The following HEPACAM variants were observed in gnomAD, a reference collection of about 807,000 sequenced individuals.
HEPACAM encodes the protein hepatic and glial cell adhesion molecule.
HEPACAM carries 18 observed loss-of-function variants against 38.3 expected under a neutral mutation model. That is an observed-to-expected ratio of 0.47 (90% CI 0.33 to 0.70). The LOEUF is 0.70. Ranked by LOEUF, HEPACAM falls within the 30% of genes least tolerant of loss-of-function variation. HEPACAM has a pLI of 0.03. For synonymous variants in HEPACAM, 216 were observed against 243.1 expected (o/e 0.89, Z 1.04); for missense variants, 466 against 563.0 (o/e 0.83, Z 1.74).
chr11:124,928,623 A>C (rs1947246503), intron 1 of HEPACAM, among the ~76,000 whole-genome samples: 2 of 152,172 alleles, frequency 1.3e-5, no homozygotes, highest in South Asian at 2.1e-4. Context: ...CATTCTATGC[A>C]AAGTCACCCC....
rs755871258 is a variant in HEPACAM, at chr11:124,935,960, C to T, written c.47G>A (p.Arg16His). 16 of 1,614,062 alleles carry T rather than the reference C, an allele frequency of 9.9e-6. No individual in the cohort carries two copies. The East Asian group carries it at 1.6e-4, about 16-fold the overall frequency. The change falls in exon 1 of 7, where the codon CGC becomes CAC. Residue 16 changes from arginine (R) to histidine (H), a missense_variant. Physicochemically the swap from Arg to His is conservative, Grantham distance 29. Transcript: ENST00000298251. ...AAGAAGGTAGACAAAAGGAGCAAGG[C>T]GCAGGGCCCTGGAGGCTCTGGACAG... ...GALSRASRAL[R>H]LAPFVYLLLI...
intron 5 of HEPACAM, 65 bp from the exon 6 acceptor site, chr11:124,922,523 C>G: frequency 2.5e-6 from 4 of 1,596,794 alleles, no homozygotes; most frequent in Non-Finnish European, 3.4e-6. Context: ...CCGGCACCTA[C>G]TCTCTGTGCT....
Position 124,924,561 on chromosome 11 carries a change from G to T in HEPACAM, c.427+167C>A. 1.3e-6 allele frequency: 1 copy of T among 744,042 alleles called. No individual in the cohort carries two copies. The highest frequency in any genetic ancestry group is 2.5e-6 in the Non-Finnish European group (1 of 407,930). 46.1% of individuals were successfully genotyped at this position (744,042 alleles called of 1,614,324 possible). A position where few individuals can be genotyped will look rare whatever the true frequency, so the allele number is the denominator to read the frequency against. ...CTGGCACATGGCAATCACTCTACAT[G>T]TTAGCTGTGCTGTGCCTGTCTGCCA... On this transcript the variant is annotated intron_variant, in intron 2 of 6. Coordinates refer to ENST00000298251, the MANE Select transcript of HEPACAM (RefSeq NM_152722.5). The surrounding 1 kb of genome is among the most constrained non-coding windows in gnomAD (Gnocchi z 4.4).
chr11:124,932,352 T>C (rs1416462102), intron 1 of HEPACAM, among the ~76,000 whole-genome samples: 2 of 152,174 alleles, frequency 1.3e-5, no homozygotes, highest in African/African-American at 4.8e-5. Context: ...TTCCAGAGAA[T>C]ACAACCTTGA....
At chr11:124,925,289 A>G (rs566053369) in intron 1 of HEPACAM, among the ~76,000 whole-genome samples, 11 of 152,128 alleles carry the variant, frequency 7.2e-5, no homozygotes, top group African/African-American at 1.4e-4. Context: ...ATGGCCTTCA[A>G]TGCTTTTTCC....
chr11:124,932,737 T>C (rs1266396593), intron 1 of HEPACAM, among the ~76,000 whole-genome samples: 1 of 152,208 alleles, frequency 6.6e-6, no homozygotes, highest in East Asian at 1.9e-4. Flanking sequence ...CTAGTGCAAG[T>C]GATACGTATC....
Position 124,923,817 on chromosome 11 carries a change from C to A in HEPACAM, c.621G>T (p.Val207=). Residue 207 remains valine, a synonymous_variant, in exon 3 of 7, where the codon GTG becomes GTT. Coordinates refer to ENST00000298251, the MANE Select transcript of HEPACAM (RefSeq NM_152722.5). ...TGTACAGGTCGTCATCCTCCATGAGCACGCGGGTGATGGTGAGCACCTTTT... is the reference window on the plus strand; with the variant it reads ...TGTACAGGTCGTCATCCTCCATGAGAACGCGGGTGATGGTGAGCACCTTTT... The part of the protein sequence containing the change: ...PDQKVLTITR[V]LMEDDDLYSC... 6.2e-7 allele frequency: 1 copy of A among 1,614,224 alleles called. No individual in the cohort carries two copies. The highest frequency in any genetic ancestry group is 8.5e-7 in the Non-Finnish European group (1 of 1,180,048).
rs1290496297 is a variant in HEPACAM, at chr11:124,925,082, G to A, written c.86-13C>T. 2 of 1,565,408 alleles carry A rather than the reference G, an allele frequency of 1.3e-6. No homozygotes were observed. The highest frequency in any genetic ancestry group is 1.4e-5 in the African/African-American group (1 of 73,712). On this transcript the variant is annotated splice_polypyrimidine_tract_variant and intron_variant, in intron 1 of 6. Coordinates refer to ENST00000298251, the MANE Select transcript of HEPACAM (RefSeq NM_152722.5). Reference sequence around the variant, plus strand: ...CCCTCCAGGGGGTCTGTGAACAGAGGCCCATGAGGAAGAGGGAAGCATCAG... The same window carrying A: ...CCCTCCAGGGGGTCTGTGAACAGAGACCCATGAGGAAGAGGGAAGCATCAG...
chr11:124,925,197 G>A lies in HEPACAM; in HGVS notation c.86-128C>T, dbSNP rs1476211533. The A allele has an allele frequency of 1.2e-5, 8 of 693,926 alleles. No homozygotes were observed. In the South Asian group the frequency reaches 1.2e-4, roughly 11 times the overall value. The allele number at this position is 693,926 out of a possible 1,614,324, so 43.0% of individuals were successfully genotyped here. A position where few individuals can be genotyped will look rare whatever the true frequency, so the allele number is the denominator to read the frequency against. ...GGCTCTTCACTCCCTGCCAATCCTG[G>A]CTTCTTAAGCCTGGGTGCTATCTCC... On this transcript the variant is annotated intron_variant, in intron 1 of 6. Coordinates refer to ENST00000298251, the MANE Select transcript of HEPACAM (RefSeq NM_152722.5).
intron 4 of HEPACAM, among the ~76,000 whole-genome samples, chr11:124,923,135 A>C (rs1279657133): frequency 6.6e-6 from 1 of 152,226 alleles, no homozygotes; most frequent in East Asian, 1.9e-4. Flanking sequence ...GTGGTTGGCC[A>C]GTGAAAAAAC....
chr11:124,934,908 G>A (rs1368760400), intron 1 of HEPACAM, among the ~76,000 whole-genome samples: 1 of 152,062 alleles, frequency 6.6e-6, no homozygotes, highest in Non-Finnish European at 1.5e-5. Flanking sequence ...TACGAGTCTG[G>A]TTTACAAAGC....
chr11:124,919,647 C>T lies in HEPACAM; in HGVS notation c.*1491G>A. 7.5e-7 allele frequency: 1 copy of T among 1,333,570 alleles called. No homozygotes were observed. The highest frequency in any genetic ancestry group is 1.0e-6 in the Non-Finnish European group (1 of 969,748). 82.6% of individuals were successfully genotyped at this position (1,333,570 alleles called of 1,614,324 possible). ...ATGAGCCTGGGGAAGTGCCGAGGGACAGGGAGCTGAGACAGGCATGCTGTG... is the reference window on the plus strand; with the variant it reads ...ATGAGCCTGGGGAAGTGCCGAGGGATAGGGAGCTGAGACAGGCATGCTGTG... On this transcript the variant is annotated 3_prime_UTR_variant, in exon 7 of 7. Transcript: ENST00000298251.
At chr11:124,931,432 C>T (rs950152916) in intron 1 of HEPACAM, among the ~76,000 whole-genome samples, 2 of 152,202 alleles carry the variant, frequency 1.3e-5, no homozygotes, top group South Asian at 2.1e-4. Flanking sequence ...GTCTTGAACT[C>T]CTGGCCTCAA....
rs1247807177 is a variant in HEPACAM at position 124,921,489 on chromosome 11, G to A, written c.949-49C>T. The A allele has an allele frequency of 1.7e-6, 2 of 1,165,642 alleles. No homozygotes were observed. The highest frequency in any genetic ancestry group is 2.2e-6 in the Non-Finnish European group (2 of 922,654). 72.2% of individuals were successfully genotyped at this position (1,165,642 alleles called of 1,614,324 possible). A position where few individuals can be genotyped will look rare whatever the true frequency, so the allele number is the denominator to read the frequency against. On this transcript the variant is annotated intron_variant, in intron 6 of 6. Coordinates refer to ENST00000298251, the MANE Select transcript of HEPACAM (RefSeq NM_152722.5). The surrounding 1 kb of genome is among the most constrained non-coding windows in gnomAD (Gnocchi z 4.6). ...GTCAGGGGACAGTCAGCCCAGCCTG[G>A]GAGCGCGCCTGGTGTTAGAGCTTGC...
intron 1 of HEPACAM, among the ~76,000 whole-genome samples, chr11:124,929,434 G>C (rs929317272): frequency 6.6e-6 from 1 of 152,160 alleles, no homozygotes; most frequent in Non-Finnish European, 1.5e-5. Context: ...AGCCAAAATC[G>C]TACTCTGTAT....
intron 1 of HEPACAM, among the ~76,000 whole-genome samples, chr11:124,929,122 C>T (rs1318161109): frequency 1.3e-5 from 2 of 152,184 alleles, no homozygotes; most frequent in East Asian, 3.8e-4. Context: ...GCTTCCCTGG[C>T]TTCCATGCTC....
chr11:124,929,299 A>G (rs1402476791), intron 1 of HEPACAM, among the ~76,000 whole-genome samples: 1 of 152,252 alleles, frequency 6.6e-6, no homozygotes, highest in South Asian at 2.1e-4. Flanking sequence ...CATCATGCCT[A>G]TGAACATGGG....
chr11:124,933,299 G>A (rs1294656658), intron 1 of HEPACAM, among the ~76,000 whole-genome samples: 2 of 151,974 alleles, frequency 1.3e-5, no homozygotes, highest in African/African-American at 4.8e-5. Flanking sequence ...AGCCTCCTGA[G>A]TAGCTGGAAT....
In HEPACAM at chr11:124,921,887, A is replaced by G. The variant is rs1374639093; in HGVS notation, c.949-447T>C. ...AATGTGCATGACACAAATATTTCAC[A>G]GGGTTATTCTGAGTACTATAAAGCA... is the stretch of plus-strand genomic sequence containing the variant. On this transcript the variant is annotated intron_variant, in intron 6 of 6. Transcript: ENST00000298251. The surrounding 1 kb of genome is among the most constrained non-coding windows in gnomAD (Gnocchi z 4.6). Among the ~76,000 whole-genome samples the G allele has an allele frequency of 6.6e-6, 1 of 152,180 alleles. No individual in the cohort carries two copies. The highest frequency in any genetic ancestry group is 1.5e-5 in the Non-Finnish European group (1 of 68,028).
Sources: allele counts gnomAD v4.1 joint callset (sites outside exome capture counted in the v4.1 genomes callset), GRCh38; gene constraint gnomAD v4.1.1; non-coding constraint Gnocchi (gnomAD v3.1); transcripts MANE v1.5; gene names NCBI Gene and HGNC (gene_info 2026-07-23, HGNC 2026-07-21).